Variants in NOS1AP observed in about 807,000 individuals in gnomAD.
The protein encoded by NOS1AP is carboxyl-terminal PDZ ligand of neuronal nitric oxide synthase protein.
A neutral mutation model predicts 56.2 loss-of-function variants in NOS1AP; 21 were observed. The observed-to-expected ratio is 0.37, with a 90% CI of 0.26 to 0.54. The LOEUF (loss-of-function observed/expected upper bound fraction) is 0.54, where lower values mean the gene tolerates loss of function less well. Among genes scored for constraint, NOS1AP ranks in the 20% least tolerant of loss-of-function variants. The pLI is 0.84. For synonymous variants in NOS1AP, 270 were observed against 274.6 expected (o/e 0.98, Z 0.17); for missense variants, 522 against 657.8 (o/e 0.79, Z 2.26).
chr1:162,245,327 A>G (rs575314675), intron 2 of NOS1AP, among the ~76,000 whole-genome samples: 2 of 152,346 alleles, frequency 1.3e-5, no homozygotes, highest in African/African-American at 4.8e-5. Context: ...AACCATAAGG[A>G]GGAACCTCTG....
At chr1:162,267,831 G>A (rs1654472855) in intron 2 of NOS1AP, among the ~76,000 whole-genome samples, 1 of 152,110 alleles carries the variant, frequency 6.6e-6, no homozygotes, top group African/African-American at 2.4e-5. Flanking sequence ...ATGGAGCAGA[G>A]GTAGCTTTAG....
chr1:162,147,491 G>A (rs912327299), intron 1 of NOS1AP, among the ~76,000 whole-genome samples: 2 of 152,024 alleles, frequency 1.3e-5, no homozygotes, highest in Non-Finnish European at 2.9e-5. Flanking sequence ...TGAATGTTTC[G>A]AGCTTTCTGT....
intron 2 of NOS1AP, among the ~76,000 whole-genome samples, chr1:162,195,918 T>G (rs6700395): frequency 0.46 from 69,801 of 152,026 alleles, 16,956 homozygotes; most frequent in African/African-American, 0.61. Context: ...ACCCATTATA[T>G]GTCATGGTCT....
At chr1:162,132,182 C>T (rs527926480) in intron 1 of NOS1AP, among the ~76,000 whole-genome samples, 18 of 152,284 alleles carry the variant, frequency 1.2e-4, no homozygotes, top group South Asian at 8.3e-4. Flanking sequence ...GTGAAGGACT[C>T]CTGACTCTGC....
intron 2 of NOS1AP, among the ~76,000 whole-genome samples, chr1:162,192,268 G>A (rs528388600): frequency 7.0e-4 from 106 of 152,266 alleles, no homozygotes; most frequent in Non-Finnish European, 1.2e-3. Flanking sequence ...CCTGACTGCC[G>A]TTTTCCAGGG....
rs368243899 is a variant in NOS1AP, at chr1:162,243,177, T to C, written c.178-44167T>C. Among the ~76,000 whole-genome samples the C allele has an allele frequency of 5.9e-5, 9 of 152,148 alleles. No individual in the cohort carries two copies. The East Asian group carries it at 1.3e-3, about 23-fold the overall frequency. ...ATTGACTTTAATTCAGGTGTGTCTG[T>C]TGAAAGGTTATTGTAGCCGAGAGGG... On this transcript the variant is annotated intron_variant, in intron 2 of 9. Coordinates refer to ENST00000361897, the MANE Select transcript of NOS1AP (RefSeq NM_014697.3).
chr1:162,206,818 C>T (rs1652179097), intron 2 of NOS1AP, among the ~76,000 whole-genome samples: 1 of 152,166 alleles, frequency 6.6e-6, no homozygotes, highest in Non-Finnish European at 1.5e-5. Context: ...GAGCCTCGAT[C>T]TCTTTGAGTG....
At chr1:162,107,921 A>G (rs1449571905) in intron 1 of NOS1AP, among the ~76,000 whole-genome samples, 3 of 152,220 alleles carry the variant, frequency 2.0e-5, no homozygotes, top group Non-Finnish European at 4.4e-5. Flanking sequence ...ACAACGAATT[A>G]TATTTATAGG....
intron 2 of NOS1AP, among the ~76,000 whole-genome samples, chr1:162,272,541 A>G (rs1490724522): frequency 6.6e-6 from 1 of 152,196 alleles, no homozygotes; most frequent in Non-Finnish European, 1.5e-5. Context: ...GAAGAACTGA[A>G]TACACTAGAT....
At chr1:162,261,095 T>C (rs1654197774) in intron 2 of NOS1AP, among the ~76,000 whole-genome samples, 1 of 139,234 alleles carries the variant, frequency 7.2e-6, no homozygotes, top group Admixed American at 7.7e-5. Flanking sequence ...CCAAAGTGCC[T>C]TGAAAGTTAA....
At chr1:162,075,774 C>CTTTTTTTT (rs11398400) in intron 1 of NOS1AP, among the ~76,000 whole-genome samples, 1 of 149,678 alleles carries the variant, frequency 6.7e-6, no homozygotes. Flanking sequence ...GCCCAGACTA[C>CTTTTTTTT]TTTTTTTTTT....
intron 6 of NOS1AP, among the ~76,000 whole-genome samples, chr1:162,346,748 C>T (rs1657307856): frequency 6.6e-6 from 1 of 152,194 alleles, no homozygotes; most frequent in Non-Finnish European, 1.5e-5. Flanking sequence ...CATCCTAGTG[C>T]TCAGTTTCTA....
chr1:162,144,770 C>T (rs906059120), intron 1 of NOS1AP, among the ~76,000 whole-genome samples: 1 of 152,174 alleles, frequency 6.6e-6, no homozygotes, highest in Non-Finnish European at 1.5e-5. Context: ...AAGGCCAGAA[C>T]AGTTTCTCTG....
At position 162,165,892 on chromosome 1, in the gene NOS1AP, C is replaced by T. The variant is rs114723541; in HGVS notation, c.177+11416C>T. Among the ~76,000 whole-genome samples the T allele has an allele frequency of 2.7e-3, 407 of 152,302 alleles. 3 individuals are homozygous for T. The highest frequency in any genetic ancestry group is 4.2e-3 in the Non-Finnish European group (283 of 68,026). On this transcript the variant is annotated intron_variant, in intron 2 of 9. Transcript: ENST00000361897. ...GGATATCCCAAAGGCACCTTAAATTCAATATGTCAAAAAACTGAAGTTATC... is the reference window on the plus strand; with the variant it reads ...GGATATCCCAAAGGCACCTTAAATTTAATATGTCAAAAAACTGAAGTTATC...
chr1:162,354,788 A>G (rs960674737), intron 6 of NOS1AP, among the ~76,000 whole-genome samples: 6 of 152,220 alleles, frequency 3.9e-5, no homozygotes, highest in Admixed American at 3.3e-4. Flanking sequence ...CTTGTCCAGC[A>G]GTTTATTGGA....
At chr1:162,184,736 G>T (rs1037093057) in intron 2 of NOS1AP, among the ~76,000 whole-genome samples, 1 of 152,182 alleles carries the variant, frequency 6.6e-6, no homozygotes, top group Non-Finnish European at 1.5e-5. Context: ...TGGCAGCCCT[G>T]TTTTCCAGTA....
At chr1:162,302,756 C>T (rs971606363) in intron 4 of NOS1AP, among the ~76,000 whole-genome samples, 1 of 152,096 alleles carries the variant, frequency 6.6e-6, no homozygotes, top group Non-Finnish European at 1.5e-5. Context: ...TATCTATCAC[C>T]CCAAAAGTTT....
chr1:162,355,307 A>G lies in NOS1AP; in HGVS notation c.716A>G (p.Asp239Gly). The G allele has an allele frequency of 6.2e-7, 1 of 1,614,088 alleles. No individual in the cohort carries two copies. The highest frequency in any genetic ancestry group is 8.5e-7 in the Non-Finnish European group (1 of 1,180,022). The change falls in exon 7 of 10, where the codon GAT becomes GGT. Residue 239 changes from aspartate to glycine, a missense_variant. By Grantham distance (94) the Asp-to-Gly change is moderately conservative. Coordinates refer to ENST00000361897, the MANE Select transcript of NOS1AP (RefSeq NM_014697.3). The stretch of plus-strand genomic sequence containing the variant: ...CTGGAATTCAGCCGAGGTGTGACTG[A>G]TCTAGATGCTGTAGGGAAGGAAGGA... ...DVLEFSRGVT[D>G]LDAVGKEGGS... is the part of the protein sequence containing the mutation.
chr1:162,314,600 T>C (rs559729782), intron 4 of NOS1AP, among the ~76,000 whole-genome samples: 1 of 152,346 alleles, frequency 6.6e-6, no homozygotes, highest in East Asian at 1.9e-4. Context: ...CAAACACTTC[T>C]TTCCTTGTCT....
Sources: gnomAD v4.1 joint callset for allele counts (sites outside exome capture counted in the v4.1 genomes callset) on GRCh38, gnomAD v4.1.1 for gene constraint, MANE v1.5 for transcripts, NCBI Gene and HGNC (gene_info 2026-07-23, HGNC 2026-07-21) for gene names.